The following SLC15A4 variants were observed in gnomAD, a reference collection of about 807,000 sequenced individuals.
SLC15A4 encodes solute carrier family 15 member 4, also known as hPHT1.
A neutral mutation model predicts 46.1 loss-of-function variants in SLC15A4; 26 were observed. The observed-to-expected ratio is 0.56, with a 90% CI of 0.41 to 0.78. SLC15A4 has a LOEUF of 0.78. Among genes scored for constraint, SLC15A4 ranks in the 30% least tolerant of loss-of-function variants. The pLI is 0.00. For synonymous variants in SLC15A4, 370 were observed against 333.4 expected, an observed-to-expected ratio of 1.11 and a Z score of -1.20; for missense variants, 751 against 755.7, an observed-to-expected ratio of 0.99 and a Z score of 0.07.
chr12:128,820,645 C>G (rs575124993), intron 1 of SLC15A4, among the ~76,000 whole-genome samples: 1 of 110,636 alleles, frequency 9.0e-6, no homozygotes, highest in South Asian at 2.9e-4. Flanking sequence ...GGGCACCGTA[C>G]GTGTCATGTA....
chr12:128,794,560 C>A (rs1955423828), intron 7 of SLC15A4, among the ~76,000 whole-genome samples: 1 of 152,218 alleles, frequency 6.6e-6, no homozygotes, highest in African/African-American at 2.4e-5. Flanking sequence ...ACATCGCCAC[C>A]GGGGGCTCTG....
At chr12:128,816,371 G>A (rs1312835043) in intron 1 of SLC15A4, among the ~76,000 whole-genome samples, 1 of 152,162 alleles carries the variant, frequency 6.6e-6, no homozygotes, top group Non-Finnish European at 1.5e-5. Context: ...GGCTGATACT[G>A]GATCTCATAA....
chr12:128,795,588 C>A (rs541397586), intron 7 of SLC15A4, among the ~76,000 whole-genome samples: 1 of 152,214 alleles, frequency 6.6e-6, no homozygotes, highest in Non-Finnish European at 1.5e-5. Flanking sequence ...GCTAGCAACA[C>A]GTGCCACGGT....
In SLC15A4 at chr12:128,823,700, T is replaced by C. The variant is rs1214597386; in HGVS notation, c.244A>G (p.Met82Val). 6.6e-7 allele frequency: 1 copy of C among 1,526,378 alleles called. No individual in the cohort carries two copies. The highest frequency in any genetic ancestry group is 8.7e-7 in the Non-Finnish European group (1 of 1,145,024). The allele number at this position is 1,526,378 out of a possible 1,614,324, so 94.6% of individuals were successfully genotyped here. The change falls in exon 1 of 8, where the codon ATG becomes GTG. Residue 82 changes from methionine (M) to valine (V), a missense_variant. Coordinates refer to ENST00000266771, the MANE Select transcript of SLC15A4 (RefSeq NM_145648.4). ...AQASEALLLF[M>V]GLTYLGSPFG... ...GGCGAGCCCAGGTAGGTGAGGCCCATGAAGAGCAGCAGCGCCTCGCTGGCC... is the reference window on the plus strand; with the variant it reads ...GGCGAGCCCAGGTAGGTGAGGCCCACGAAGAGCAGCAGCGCCTCGCTGGCC...
At chr12:128,800,383 C>T (rs1035845387) in intron 6 of SLC15A4, among the ~76,000 whole-genome samples, 4 of 152,158 alleles carry the variant, frequency 2.6e-5, no homozygotes, top group African/African-American at 7.2e-5. Context: ...TCTCAGCAGC[C>T]GGACAGATCT....
intron 5 of SLC15A4, among the ~76,000 whole-genome samples, chr12:128,802,140 C>T (rs1031956669): frequency 1.3e-5 from 2 of 152,128 alleles, no homozygotes; most frequent in African/African-American, 2.4e-5. Flanking sequence ...CCGCCCTCCA[C>T]GGGAGAAACA....
intron 5 of SLC15A4, among the ~76,000 whole-genome samples, chr12:128,804,297 A>T (rs1236226628): frequency 6.6e-6 from 1 of 152,266 alleles, no homozygotes; most frequent in East Asian, 1.9e-4. Context: ...AGAAAACCAA[A>T]ACCAGTTTCA....
At chr12:128,821,600 A>G (rs961321834) in intron 1 of SLC15A4, among the ~76,000 whole-genome samples, 1 of 152,214 alleles carries the variant, frequency 6.6e-6, no homozygotes, top group Admixed American at 6.5e-5. Flanking sequence ...TAAAAATGTA[A>G]GAACTAGCTG....
At chr12:128,810,381 A>G in intron 2 of SLC15A4, 1 of 412,826 alleles carries the variant, frequency 2.4e-6, no homozygotes, top group Non-Finnish European at 4.5e-6. Flanking sequence ...ATCTGTGATG[A>G]CAGTGTGAAC....
chr12:128,804,530 GACCA>G (rs1955557297), intron 5 of SLC15A4, among the ~76,000 whole-genome samples: 1 of 152,178 alleles, frequency 6.6e-6, no homozygotes, highest in Admixed American at 6.5e-5. Flanking sequence ...AGGAGTTCGA[GACCA>G]ACTTGGCCAA....
chr12:128,800,823 C>A, intron 6 of SLC15A4, 31 bp downstream of exon 6: 1 of 1,589,254 alleles, frequency 6.3e-7, no homozygotes, highest in Non-Finnish European at 8.6e-7. Context: ...TGTGCCTGGA[C>A]TCAGACACCT....
chr12:128,822,838 T>C (rs981912014), intron 1 of SLC15A4, among the ~76,000 whole-genome samples: 1 of 151,788 alleles, frequency 6.6e-6, no homozygotes, highest in African/African-American at 2.4e-5. Context: ...GCTCAGCGTA[T>C]TTTTTAAATT....
At position 128,799,249 on chromosome 12, in the gene SLC15A4, T is replaced by G. The variant is rs370389002; in HGVS notation, c.1573+10A>C. 24 of 1,613,990 alleles carry G rather than the reference T, an allele frequency of 1.5e-5. No individual in the cohort carries two copies. The highest frequency in any genetic ancestry group is 1.9e-5 in the Non-Finnish European group (23 of 1,179,990). ...GCTATTTTCAAAAGGGACAGGATGC[T>G]GGCTCTTACCAAAGTCTGTGTGACT... On this transcript the variant is annotated intron_variant, in intron 7 of 7. Coordinates refer to ENST00000266771, the MANE Select transcript of SLC15A4 (RefSeq NM_145648.4).
Position 128,823,911 on chromosome 12 carries a change from C to A in SLC15A4, c.33G>T (p.Arg11=). Residue 11 remains arginine (R), a synonymous_variant, in exon 1 of 8, where the codon CGG becomes CGT. Transcript: ENST00000266771. ...CCCGCCGCGCGCCCAGCAGCGGCGCCCGCTCGCCCGCACCGCCCCCAGAGC... is the reference window on the plus strand; with the variant it reads ...CCCGCCGCGCGCCCAGCAGCGGCGCACGCTCGCCCGCACCGCCCCCAGAGC... MEGSGGGAGE[R]APLLGARRAA... is the part of the protein sequence containing the mutation. 1.2e-6 allele frequency: 1 copy of A among 809,394 alleles called. No individual in the cohort carries two copies. Among genetic ancestry groups the A allele is most frequent in the South Asian group, 5.4e-5 (1 of 18,498 alleles). 50.1% of individuals were successfully genotyped at this position (809,394 alleles called of 1,614,324 possible). A position where few individuals can be genotyped will look rare whatever the true frequency, so the allele number is the denominator to read the frequency against.
intron 5 of SLC15A4, among the ~76,000 whole-genome samples, chr12:128,806,889 G>T (rs1271266839): frequency 6.9e-6 from 1 of 145,704 alleles, no homozygotes; most frequent in African/African-American, 2.5e-5. Context: ...ATGTGCTGTG[G>T]ATTTTGCTAG....
At chr12:128,797,122 G>C (rs1955454728) in intron 7 of SLC15A4, among the ~76,000 whole-genome samples, 1 of 152,026 alleles carries the variant, frequency 6.6e-6, no homozygotes, top group East Asian at 1.9e-4. Flanking sequence ...CAGACTCTTG[G>C]GTCCCCAAGG....
At chr12:128,801,084 T>C in intron 5 of SLC15A4, 75 bp from the exon 6 acceptor site, 2 of 1,390,032 alleles carry the variant, frequency 1.4e-6, no homozygotes, top group Middle Eastern at 3.7e-4. Flanking sequence ...TGATGTTGGC[T>C]ACGAGACTTC....
At position 128,823,538 on chromosome 12, in the gene SLC15A4, C is replaced by G; in HGVS notation, c.406G>C (p.Ala136Pro). The G allele has an allele frequency of 6.8e-7, 1 of 1,464,646 alleles. No homozygotes were observed. The highest frequency in any genetic ancestry group is 9.0e-7 in the Non-Finnish European group (1 of 1,115,870). 90.7% of individuals were successfully genotyped at this position (1,464,646 alleles called of 1,614,324 possible). The change falls in exon 1 of 8, where the codon GCG becomes CCG. Residue 136 changes from alanine (A) to proline (P), a missense_variant. Coordinates refer to ENST00000266771, the MANE Select transcript of SLC15A4 (RefSeq NM_145648.4). ...PATRAALCGS[A>P]RLLNCTAPGP... ...GGCGCCGTGCAGTTGAGCAGGCGCG[C>G]GGAACCGCAGAGCGCGGCTCGCGTG...
intron 5 of SLC15A4, among the ~76,000 whole-genome samples, chr12:128,805,077 A>C (rs1422276806): frequency 6.6e-6 from 1 of 152,204 alleles, no homozygotes; most frequent in Non-Finnish European, 1.5e-5. Flanking sequence ...TCAGGAAGCT[A>C]ATACAATAAT....
Sources: allele counts gnomAD v4.1 joint callset (sites outside exome capture counted in the v4.1 genomes callset), GRCh38; gene constraint gnomAD v4.1.1; transcripts MANE v1.5; gene names NCBI Gene and HGNC (gene_info 2026-07-23, HGNC 2026-07-21).